Variants in TTC22 observed in about 807,000 individuals in gnomAD.
TTC22 encodes tetratricopeptide repeat protein 22.
Under a neutral mutation model 48.2 loss-of-function variants are expected in TTC22, and 42 were observed. That is an observed-to-expected ratio of 0.87 (90% CI 0.68 to 1.13). The LOEUF (loss-of-function observed/expected upper bound fraction) is 1.13, where lower values mean the gene tolerates loss of function less well. TTC22 is among the 50% of genes most tolerant of loss of function. TTC22 has a pLI of 0.00. For missense variants in TTC22, 784 were observed against 807.0 expected (o/e 0.97, Z 0.34); for synonymous variants, 345 against 365.5 (o/e 0.94, Z 0.64).
intron 1 of TTC22, 28 bp from the exon 2 acceptor site, chr1:54,788,125 G>T: frequency 6.2e-7 from 1 of 1,609,258 alleles, no homozygotes. Flanking sequence ...AGCCCACACT[G>T]CCATTACTGA....
rs1034542658 is a variant in TTC22 at position 54,796,203 on chromosome 1, T to C, written c.567+4394A>G. 1.2e-4 allele frequency among the ~76,000 whole-genome samples: 18 copies of C among 152,356 alleles called. No individual in the cohort carries two copies. The East Asian group carries it at 3.1e-3, about 26-fold the overall frequency. On this transcript the variant is annotated intron_variant, in intron 1 of 6. Transcript: ENST00000371276. ...GTGTGTGTCTGTGCGCGTGCGCACG[T>C]GTGGACACGCATGCGTGCATACCAG...
At chr1:54,784,666 C>T (rs1557771076) in intron 5 of TTC22, 6 of 1,135,170 alleles carry the variant, frequency 5.3e-6, no homozygotes, top group Non-Finnish European at 6.7e-6. Flanking sequence ...TTCACTCCTG[C>T]CTCGTACCTG....
Position 54,781,607 on chromosome 1 carries a change from G to A in TTC22, c.1346C>T (p.Ala449Val). The A allele has an allele frequency of 6.6e-7, 1 of 1,525,776 alleles. No homozygotes were observed. The highest frequency in any genetic ancestry group is 1.2e-5 in the South Asian group (1 of 82,676). The allele number at this position is 1,525,776 out of a possible 1,614,324, so 94.5% of individuals were successfully genotyped here. A position where few individuals can be genotyped will look rare whatever the true frequency, so the allele number is the denominator to read the frequency against. ...GKCLRIKGED[A>V]NAAACFKRAV... ...GCGCTTGAAGCAGGCGGCCGCGTTG[G>A]CGTCCTCGCCCTTGATGCGCAGGCA... is the stretch of plus-strand genomic sequence containing the variant. Residue 449 changes from alanine to valine, a missense_variant, in exon 7 of 7, where the codon GCC becomes GTC. Ala to Val is a moderately conservative substitution (Grantham distance 64). Coordinates refer to ENST00000371276, the MANE Select transcript of TTC22 (RefSeq NM_001114108.2).
rs1410599384 is a variant in TTC22 at position 54,781,375 on chromosome 1, G to C, written c.1578C>G (p.Asp526Glu). 1 of 1,388,772 alleles carries C rather than the reference G, an allele frequency of 7.2e-7. No individual in the cohort carries two copies. The highest frequency in any genetic ancestry group is 9.2e-7 in the Non-Finnish European group (1 of 1,082,632). The allele number at this position is 1,388,772 out of a possible 1,614,324, so 86.0% of individuals were successfully genotyped here. The change falls in exon 7 of 7, where the codon GAC (aspartate) becomes GAG (glutamate). Residue 526 changes from aspartate to glutamate, a missense_variant. Asp to Glu is a conservative substitution (Grantham distance 45). Coordinates refer to ENST00000371276, the MANE Select transcript of TTC22 (RefSeq NM_001114108.2). ...ELQRVWRGHT[D>E]EVLGLARALV... The stretch of plus-strand genomic sequence containing the variant: ...GGGCCCGGGCCAGCCCCAACACCTC[G>C]TCCGTGTGCCCGCGCCACACGCGCT...
intron 3 of TTC22, 29 bp from the exon 4 acceptor site, chr1:54,787,104 T>C (rs910160648): frequency 2.4e-5 from 31 of 1,285,434 alleles, no homozygotes; most frequent in Non-Finnish European, 3.2e-5. Flanking sequence ...AGAGGGTCTC[T>C]AGGAAGCAGC....
rs1188315699 is a variant in TTC22, at chr1:54,787,813, A to C, written c.637T>G (p.Phe213Val). The part of the protein sequence containing the change: ...ATLYIRLDGI[F>V]LELGSEEQKR... ...TGCTCCTCACTGCCCAGCTCCAGGAAGATGCCATCTAGCCTGTGGCCGAGA... is the reference window on the plus strand; with the variant it reads ...TGCTCCTCACTGCCCAGCTCCAGGACGATGCCATCTAGCCTGTGGCCGAGA... Residue 213 changes from phenylalanine (F) to valine (V), a missense_variant, in exon 3 of 7, where the codon TTC becomes GTC. Phe to Val is a conservative substitution (Grantham distance 50). Transcript: ENST00000371276. 1.2e-6 allele frequency: 2 copies of C among 1,610,308 alleles called. No individual in the cohort carries two copies. The highest frequency in any genetic ancestry group is 3.4e-5 in the Admixed American group (2 of 59,584).
At chr1:54,799,713 T>C (rs1646418729) in intron 1 of TTC22, among the ~76,000 whole-genome samples, 1 of 152,168 alleles carries the variant, frequency 6.6e-6, no homozygotes, top group Non-Finnish European at 1.5e-5. Flanking sequence ...TCAGTGGTCA[T>C]GTCTACACCC....
At chr1:54,800,461 T>C in intron 1 of TTC22, 136 bp downstream of exon 1, 2 of 781,042 alleles carry the variant, frequency 2.6e-6, no homozygotes, top group Non-Finnish European at 3.8e-6. Context: ...GGGATGCACA[T>C]TGGAAAGGCA....
chr1:54,787,429 TC>T, intron 3 of TTC22: 5 of 570,510 alleles, frequency 8.8e-6, no homozygotes, highest in Non-Finnish European at 1.6e-5. Flanking sequence ...GAGGCTTCAA[TC>T]TTCTGACCAT....
At chr1:54,796,511 C>T (rs565424891) in intron 1 of TTC22, among the ~76,000 whole-genome samples, 2 of 152,210 alleles carry the variant, frequency 1.3e-5, no homozygotes, top group Admixed American at 1.3e-4. Context: ...AAATTAAATG[C>T]GCAAAGGCAG....
chr1:54,781,675 C>T lies in TTC22; in HGVS notation c.1278G>A (p.Glu426=), dbSNP rs1646264170. 10 of 1,530,962 alleles carry T rather than the reference C, an allele frequency of 6.5e-6. No individual in the cohort carries two copies. The highest frequency in any genetic ancestry group is 3.9e-5 in the Admixed American group (2 of 50,732). 94.8% of individuals were successfully genotyped at this position (1,530,962 alleles called of 1,614,324 possible). The part of the protein sequence containing the change: ...LVFLAKAGES[E]LGATLPELQL... ...GCAGCTCGGGCAGCGTGGCACCCAG[C>T]TCCGACTCGCCCGCCTTGGCCAGGA... Residue 426 remains glutamate, a synonymous_variant, in exon 7 of 7, where the codon GAG becomes GAA. Transcript: ENST00000371276.
chr1:54,781,771 G>A lies in TTC22; in HGVS notation c.1182C>T (p.Tyr394=). 2.1e-6 allele frequency: 3 copies of A among 1,439,722 alleles called. No homozygotes were observed. The South Asian group carries it at 4.2e-5, about 20-fold the overall frequency. The allele number at this position is 1,439,722 out of a possible 1,614,324, so 89.2% of individuals were successfully genotyped here. ...KAYLDIGQVY[Y]YMGVDAVQEL... ...CCTGCACCGCGTCCACGCCCATATA[G>A]TAGTAGACCTGGGGTCGGGGACGCG... Residue 394 remains tyrosine, a synonymous_variant, in exon 7 of 7, where the codon TAC becomes TAT. Transcript: ENST00000371276.
At chr1:54,781,896 C>T (rs1646266361) in intron 6 of TTC22, 117 bp from the exon 7 acceptor site, 4 of 941,220 alleles carry the variant, frequency 4.2e-6, no homozygotes, top group Non-Finnish European at 5.9e-6. Context: ...ACCCTCTCTC[C>T]ATCGACAATT....
rs1378940820 is a variant in TTC22 at position 54,800,966 on chromosome 1, G to T, written c.198C>A (p.Pro66=). ...ELQLAAAPQR[P]AVRHLLGAFA... The stretch of plus-strand genomic sequence containing the variant: ...AAGCGCCCAGGAGGTGACGCACAGC[G>T]GGGCGCTGCGGGGCGGCCGCCAGCT... The change falls in exon 1 of 7, where the codon CCC becomes CCA. Residue 66 remains proline (P), a synonymous_variant. Coordinates refer to ENST00000371276, the MANE Select transcript of TTC22 (RefSeq NM_001114108.2). The T allele has an allele frequency of 3.1e-6, 5 of 1,602,382 alleles. No homozygotes were observed. Among genetic ancestry groups the T allele is most frequent in the African/African-American group, 1.3e-5 (1 of 74,756 alleles).
Position 54,801,254 on chromosome 1 carries a change from G to T in TTC22, c.-91C>A. ...GCGTTCCCCGAGCGAGCTCCGTGCG[G>T]GAGGCGAGGGGCAGCCGGCAGAGGC... is the stretch of plus-strand genomic sequence containing the variant. On this transcript the variant is annotated 5_prime_UTR_variant, in exon 1 of 7. Coordinates refer to ENST00000371276, the MANE Select transcript of TTC22 (RefSeq NM_001114108.2). The T allele has an allele frequency of 7.5e-7, 1 of 1,334,736 alleles. No individual in the cohort carries two copies. Among genetic ancestry groups the T allele is most frequent in the Non-Finnish European group, 1.0e-6 (1 of 980,318 alleles). The allele number at this position is 1,334,736 out of a possible 1,614,324, so 82.7% of individuals were successfully genotyped here. A position where few individuals can be genotyped will look rare whatever the true frequency, so the allele number is the denominator to read the frequency against.
chr1:54,792,870 C>T (rs1179548666), intron 1 of TTC22: 1 of 152,182 alleles, frequency 6.6e-6, no homozygotes, highest in Non-Finnish European at 1.5e-5. Flanking sequence ...TGCCCCCTCC[C>T]CTCCTGGAGA....
In TTC22 at chr1:54,787,796, A is replaced by G; in HGVS notation, c.654T>C (p.Ser218=). The change falls in exon 3 of 7, where the codon AGT becomes AGC. Residue 218 remains serine (S), a synonymous_variant. Coordinates refer to ENST00000371276, the MANE Select transcript of TTC22 (RefSeq NM_001114108.2). ...RLDGIFLELG[S]EEQKRLPAFN... ...AGGCAGGCAGTCTCTTCTGCTCCTC[A>G]CTGCCCAGCTCCAGGAAGATGCCAT... 4.3e-6 allele frequency: 7 copies of G among 1,612,338 alleles called. No individual in the cohort carries two copies. Among genetic ancestry groups the G allele is most frequent in the Non-Finnish European group, 5.9e-6 (7 of 1,179,294 alleles).
chr1:54,781,371 C>T lies in TTC22; in HGVS notation c.1582G>A (p.Val528Met), dbSNP rs765234058. 48 of 1,391,562 alleles carry T rather than the reference C, an allele frequency of 3.4e-5. No homozygotes were observed. The South Asian group carries it at 7.1e-4, about 21-fold the overall frequency. The allele number at this position is 1,391,562 out of a possible 1,614,324, so 86.2% of individuals were successfully genotyped here. A position where few individuals can be genotyped will look rare whatever the true frequency, so the allele number is the denominator to read the frequency against. ...ACCAGGGCCCGGGCCAGCCCCAACA[C>T]CTCGTCCGTGTGCCCGCGCCACACG... ...QRVWRGHTDE[V>M]LGLARALVAQ... Residue 528 changes from valine (V) to methionine (M), a missense_variant, in exon 7 of 7, where the codon GTG becomes ATG. Physicochemically the swap from Val to Met is conservative, Grantham distance 21. Coordinates refer to ENST00000371276, the MANE Select transcript of TTC22 (RefSeq NM_001114108.2).
In TTC22 at chr1:54,779,737, T is replaced by G. The variant is rs1266521522; in HGVS notation, c.*1506A>C. ...TTTAGTGTTGATCAGTTTATTAGTA[T>G]TTTTCCAAACCTGAAGAATGGTGAA... On this transcript the variant is annotated 3_prime_UTR_variant, in exon 7 of 7. Transcript: ENST00000371276. The G allele has an allele frequency of 6.6e-6, 1 of 152,202 alleles. No homozygotes were observed. Among genetic ancestry groups the G allele is most frequent in the East Asian group, 1.9e-4 (1 of 5,192 alleles). The allele number at this position is 152,202 out of a possible 1,614,324, so 9.4% of individuals were successfully genotyped here.
Sources: allele counts gnomAD v4.1 joint callset (sites outside exome capture counted in the v4.1 genomes callset), GRCh38; gene constraint gnomAD v4.1.1; transcripts MANE v1.5; gene names NCBI Gene and HGNC (gene_info 2026-07-23, HGNC 2026-07-21).